The following CYP4V2 variants were observed in gnomAD, a reference collection of about 807,000 sequenced individuals.
CYP4V2 encodes the protein cytochrome P450 family 4 subfamily V member 2.
CYP4V2 carries 55 observed loss-of-function variants against 60.8 expected under a neutral mutation model. That is an observed-to-expected ratio of 0.90 (90% CI 0.73 to 1.13). The LOEUF (loss-of-function observed/expected upper bound fraction) is 1.13, where lower values mean the gene tolerates loss of function less well. CYP4V2 is among the 50% of genes most tolerant of loss of function. The pLI, the probability that CYP4V2 is intolerant of heterozygous loss-of-function variation, is 0.00. For synonymous variants in CYP4V2, 239 were observed against 236.8 expected, an observed-to-expected ratio of 1.01 and a Z score of -0.08; for missense variants, 675 against 662.9, an observed-to-expected ratio of 1.02 and a Z score of -0.20.
chr4:186,201,201 T>A lies in CYP4V2; in HGVS notation c.846T>A (p.Cys282Ter). 1 of 1,614,086 alleles carries A rather than the reference T, an allele frequency of 6.2e-7. No homozygotes were observed. The change falls in exon 7 of 11, where the codon TGT becomes TGA. Residue 282 changes from cysteine (C) to a stop codon, truncating the protein, a stop_gained. Transcript: ENST00000378802. LOFTEE classifies it high-confidence loss of function. Reference protein sequence around the residue: ...RANEMNANEDCRGDGRGSAPS... With the variant: ...RANEMNANED ...ATGAAATGAACGCCAATGAAGACTG[T>A]AGAGGTGATGGCAGGGGCTCTGCCC...
rs1452784601 is a variant in CYP4V2, at chr4:186,211,292, A to G, written c.*651A>G. On this transcript the variant is annotated 3_prime_UTR_variant, in exon 11 of 11. Coordinates refer to ENST00000378802, the MANE Select transcript of CYP4V2 (RefSeq NM_207352.4). ...ACTTCAATTGATAGACCCAAAAAAT[A>G]TAATTTAATCAAAGTTCTAGAGTTT... 1.3e-5 allele frequency: 2 copies of G among 152,254 alleles called. No homozygotes were observed. The highest frequency in any genetic ancestry group is 2.9e-5 in the Non-Finnish European group (2 of 68,144). 9.4% of individuals were successfully genotyped at this position (152,254 alleles called of 1,614,324 possible). A position where few individuals can be genotyped will look rare whatever the true frequency, so the allele number is the denominator to read the frequency against.
intron 10 of CYP4V2, 70 bp downstream of exon 10, chr4:186,209,342 T>C: frequency 6.3e-7 from 1 of 1,588,218 alleles, no homozygotes; most frequent in Admixed American, 1.7e-5. Flanking sequence ...AGTGATTTCT[T>C]TGAGATGTGA....
At chr4:186,196,516 G>A (rs1175475431) in intron 3 of CYP4V2, 2 of 300,664 alleles carry the variant, frequency 6.7e-6, no homozygotes, top group Non-Finnish European at 1.3e-5. Flanking sequence ...ACAAGAGCAA[G>A]GCAGGAGCCT....
At position 186,201,206 on chromosome 4, in the gene CYP4V2, G is replaced by A. The variant is rs1345068520; in HGVS notation, c.851G>A (p.Gly284Asp). The change falls in exon 7 of 11, where the codon GGT becomes GAT. Residue 284 changes from glycine (G) to aspartate (D), a missense_variant. By Grantham distance (94) the Gly-to-Asp change is moderately conservative (BLOSUM62 -1). Transcript: ENST00000378802. ...NEMNANEDCR[G>D]DGRGSAPSKN... Reference sequence around the variant, plus strand: ...ATGAACGCCAATGAAGACTGTAGAGGTGATGGCAGGGGCTCTGCCCCCTCC... The same window carrying A: ...ATGAACGCCAATGAAGACTGTAGAGATGATGGCAGGGGCTCTGCCCCCTCC... The A allele has an allele frequency of 3.1e-6, 5 of 1,614,086 alleles. No individual in the cohort carries two copies. The highest frequency in any genetic ancestry group is 4.2e-6 in the Non-Finnish European group (5 of 1,180,048).
Position 186,195,908 on chromosome 4 carries a change from C to G in CYP4V2, c.328-95C>G. 1 of 879,232 alleles carries G rather than the reference C, an allele frequency of 1.1e-6. No homozygotes were observed. The allele number at this position is 879,232 out of a possible 1,614,324, so 54.5% of individuals were successfully genotyped here. ...GGAGAAAATAAATGTTGTGAATGCCCTAAAAACTAGCTGTATTCTAGCCAG... is the reference window on the plus strand; with the variant it reads ...GGAGAAAATAAATGTTGTGAATGCCGTAAAAACTAGCTGTATTCTAGCCAG... On this transcript the variant is annotated intron_variant, in intron 2 of 10. Coordinates refer to ENST00000378802, the MANE Select transcript of CYP4V2 (RefSeq NM_207352.4). This position sits in a 1 kb window ranked among gnomAD's most constrained non-coding sequence, Gnocchi z 4.1.
At position 186,196,320 on chromosome 4, in the gene CYP4V2, G is replaced by T. The variant is rs1054390127; in HGVS notation, c.413+232G>T. The T allele has an allele frequency of 9.5e-5, 53 of 555,644 alleles. 2 individuals carry two copies. Among genetic ancestry groups the T allele is most frequent in the African/African-American group, 9.5e-4 (50 of 52,872 alleles). 34.4% of individuals were successfully genotyped at this position (555,644 alleles called of 1,614,324 possible). A position where few individuals can be genotyped will look rare whatever the true frequency, so the allele number is the denominator to read the frequency against. On this transcript the variant is annotated intron_variant, in intron 3 of 10. Transcript: ENST00000378802. ...GCTGTGGTATTCAATAGCGACTGTC[G>T]CCAGTGTTCAGGAAGACTCAGGAGG...
At chr4:186,205,146 C>A in intron 7 of CYP4V2, 54 bp from the exon 8 acceptor site, 1 of 1,552,320 alleles carries the variant, frequency 6.4e-7, no homozygotes, top group Non-Finnish European at 8.9e-7. Context: ...CTGGTCACTC[C>A]TAATCATCGC....
intron 6 of CYP4V2, among the ~76,000 whole-genome samples, chr4:186,200,103 T>G (rs1736263975): frequency 6.6e-6 from 1 of 152,176 alleles, no homozygotes. Flanking sequence ...TAATATTTAA[T>G]AGCAATAATT....
chr4:186,205,448 C>T, intron 8 of CYP4V2, 146 bp downstream of exon 8: 1 of 832,292 alleles, frequency 1.2e-6, no homozygotes, highest in Non-Finnish European at 2.0e-6. Context: ...CTCGTCCATT[C>T]ACTCACAGGC....
At position 186,201,295 on chromosome 4, in the gene CYP4V2, C is replaced by G. The variant is rs1736300242; in HGVS notation, c.940C>G (p.Leu314Val). Residue 314 changes from leucine to valine, a missense_variant, in exon 7 of 11, where the codon CTA becomes GTA. Coordinates refer to ENST00000378802, the MANE Select transcript of CYP4V2 (RefSeq NM_207352.4). Reference protein sequence around the residue: ...LSVTDDEGNRLSHEDIREEVD... With the variant: ...LSVTDDEGNRVSHEDIREEVD... ...TGTGACTGATGACGAAGGGAACAGG[C>G]TAAGTCATGAAGATATTCGAGAAGA... is the stretch of plus-strand genomic sequence containing the variant. The G allele has an allele frequency of 6.2e-7, 1 of 1,613,956 alleles. No homozygotes were observed. Among genetic ancestry groups the G allele is most frequent in the South Asian group, 1.1e-5 (1 of 91,082 alleles).
At position 186,210,839 on chromosome 4, in the gene CYP4V2, AT is replaced by A. The variant is rs199938898; in HGVS notation, c.*210del. ...GTATTTTCTTTTTTCTTTTTTCTTT[AT>A]TTTTTTTTTTTGAAACCGTGTCTCA... On this transcript the variant is annotated 3_prime_UTR_variant, in exon 11 of 11. Coordinates refer to ENST00000378802, the MANE Select transcript of CYP4V2 (RefSeq NM_207352.4). The A allele has an allele frequency of 0.062, 30,372 of 486,080 alleles. 11 individuals carry two copies. The highest frequency in any genetic ancestry group is 0.12 in the South Asian group (3,726 of 31,120). The allele number at this position is 486,080 out of a possible 1,614,324, so 30.1% of individuals were successfully genotyped here. A position where few individuals can be genotyped will look rare whatever the true frequency, so the allele number is the denominator to read the frequency against.
chr4:186,194,556 A>G lies in CYP4V2; in HGVS notation c.271A>G (p.Lys91Glu). ...TEEYRHMPLL[K>E]LWVGPVPMVA... is the part of the protein sequence containing the mutation. Reference sequence around the variant, plus strand: ...GGAATACCGCCACATGCCGCTGCTGAAGCTCTGGGTCGGGCCAGTGCCCAT... The same window carrying G: ...GGAATACCGCCACATGCCGCTGCTGGAGCTCTGGGTCGGGCCAGTGCCCAT... Residue 91 changes from lysine to glutamate, a missense_variant, in exon 2 of 11, where the codon AAG becomes GAG. Transcript: ENST00000378802. 1 of 1,614,210 alleles carries G rather than the reference A, an allele frequency of 6.2e-7. No homozygotes were observed. The highest frequency in any genetic ancestry group is 8.5e-7 in the Non-Finnish European group (1 of 1,180,026).
chr4:186,194,501 ATT>A lies in CYP4V2; in HGVS notation c.221_222del (p.Phe74SerfsTer5), dbSNP rs1561430786. 1 of 1,613,814 alleles carries A rather than the reference ATT, an allele frequency of 6.2e-7. No individual in the cohort carries two copies. Among genetic ancestry groups the A allele is most frequent in the South Asian group, 1.1e-5 (1 of 91,062 alleles). ...TTCAAATTTGATGTTTTTCCCCAGA[ATT>A]TTTTCAGCAGATCATTGAGTACACA... Reference protein sequence around the residue: ...ALLMKPDGREFFQQIIEYTEE... With the variant: ...ALLMKPDGREXFQQIIEYTEE... On this transcript the variant is annotated frameshift_variant and splice_region_variant, in exon 2 of 11. Transcript: ENST00000378802. LOFTEE classifies it high-confidence loss of function.
intron 8 of CYP4V2, among the ~76,000 whole-genome samples, chr4:186,206,979 C>A (rs1736526418): frequency 6.6e-6 from 1 of 152,124 alleles, no homozygotes; most frequent in South Asian, 2.1e-4. Flanking sequence ...AGCTCATTAC[C>A]AGTTTCACAA....
At chr4:186,204,456 G>C in intron 7 of CYP4V2, 1 of 218,218 alleles carries the variant, frequency 4.6e-6, no homozygotes, top group Non-Finnish European at 9.7e-6. Flanking sequence ...CGTTACGCTG[G>C]CGTAAGAGGT....
In CYP4V2 at chr4:186,210,783, C is replaced by A; in HGVS notation, c.*142C>A. On this transcript the variant is annotated 3_prime_UTR_variant, in exon 11 of 11. Transcript: ENST00000378802. The stretch of plus-strand genomic sequence containing the variant: ...TCCTTGATCCCACTGATCTTGACAT[C>A]AAGTCTAACAAAGAAAAAGTTTTGA... 1 of 928,286 alleles carries A rather than the reference C, an allele frequency of 1.1e-6. No individual in the cohort carries two copies. The highest frequency in any genetic ancestry group is 1.6e-6 in the Non-Finnish European group (1 of 620,198). 57.5% of individuals were successfully genotyped at this position (928,286 alleles called of 1,614,324 possible). A position where few individuals can be genotyped will look rare whatever the true frequency, so the allele number is the denominator to read the frequency against.
rs72647303 is a variant in CYP4V2, at chr4:186,212,866, C to T, written c.*2225C>T. 1.3e-5 allele frequency: 2 copies of T among 152,004 alleles called. No homozygotes were observed. The highest frequency in any genetic ancestry group is 4.8e-5 in the African/African-American group (2 of 41,374). 9.4% of individuals were successfully genotyped at this position (152,004 alleles called of 1,614,324 possible). A position where few individuals can be genotyped will look rare whatever the true frequency, so the allele number is the denominator to read the frequency against. On this transcript the variant is annotated 3_prime_UTR_variant, in exon 11 of 11. Transcript: ENST00000378802. ...GAGCCACAGTGCCTACAACCCAGGC[C>T]CTAAGTTGATGAAGAAAAAGTCAAG...
intron 6 of CYP4V2, among the ~76,000 whole-genome samples, chr4:186,200,394 C>G (rs898673059): frequency 1.8e-4 from 27 of 152,144 alleles, no homozygotes; most frequent in African/African-American, 6.3e-4. Flanking sequence ...CCAAGCAGTG[C>G]TCTAGAGGTT....
Position 186,197,069 on chromosome 4 carries a change from T to G in CYP4V2, c.543T>G (p.Ile181Met). ...TGGTTAAGAAACTTGAAAAACACATTAACCAAGAAGCATTTAACTGCTTTT... is the reference window on the plus strand; with the variant it reads ...TGGTTAAGAAACTTGAAAAACACATGAACCAAGAAGCATTTAACTGCTTTT... ...NILVKKLEKH[I>M]NQEAFNCFFY... is the part of the protein sequence containing the mutation. The change falls in exon 4 of 11, where the codon ATT becomes ATG. Residue 181 changes from isoleucine (I) to methionine (M), a missense_variant. Coordinates refer to ENST00000378802, the MANE Select transcript of CYP4V2 (RefSeq NM_207352.4). 1 of 1,613,864 alleles carries G rather than the reference T, an allele frequency of 6.2e-7. No homozygotes were observed. The highest frequency in any genetic ancestry group is 8.5e-7 in the Non-Finnish European group (1 of 1,180,000).
Sources: allele counts gnomAD v4.1 joint callset (sites outside exome capture counted in the v4.1 genomes callset), GRCh38; gene constraint gnomAD v4.1.1; non-coding constraint Gnocchi (gnomAD v3.1); transcripts MANE v1.5; gene names NCBI Gene and HGNC (gene_info 2026-07-23, HGNC 2026-07-21).